Variants in RBFOX1 observed in about 807,000 individuals in gnomAD.
RBFOX1 encodes RNA binding protein fox-1 homolog 1.
A neutral mutation model predicts 57.7 loss-of-function variants in RBFOX1; 8 were observed. The ratio of observed to expected loss-of-function variants is 0.14; its 90% confidence interval spans 0.08 to 0.25. RBFOX1 has a LOEUF of 0.25. RBFOX1 is among the 10% of genes least tolerant of loss of function. The pLI, the probability that RBFOX1 is intolerant of heterozygous loss-of-function variation, is 1.00. For missense variants in RBFOX1, 611 were observed against 548.5 expected (o/e 1.11, Z -1.14); for synonymous variants, 326 against 222.4 (o/e 1.47, Z -4.15).
chr16:6,148,741 C>T (rs536349890), intron 1 of RBFOX1, among the ~76,000 whole-genome samples: 10 of 152,290 alleles, frequency 6.6e-5, no homozygotes, highest in South Asian at 2.1e-4. Flanking sequence ...TGCCATACTT[C>T]GCTTTATCTA....
At chr16:5,902,087 C>G (rs1005440585) in intron 4 of RBFOX1, among the ~76,000 whole-genome samples, 1 of 152,064 alleles carries the variant, frequency 6.6e-6, no homozygotes, top group African/African-American at 2.4e-5. Context: ...AATCATATTC[C>G]CTCTTTTGAA....
At chr16:6,409,330 C>T (rs922120305) in intron 2 of RBFOX1, among the ~76,000 whole-genome samples, 9 of 152,154 alleles carry the variant, frequency 5.9e-5, no homozygotes, top group African/African-American at 2.2e-4. Flanking sequence ...AGGAGAATCG[C>T]TTGAACCTGG....
intron 4 of RBFOX1, among the ~76,000 whole-genome samples, chr16:5,898,603 C>G (rs1033695301): frequency 1.3e-5 from 2 of 151,148 alleles, no homozygotes; most frequent in African/African-American, 2.4e-5. Context: ...ATTGTCAAGT[C>G]TGTTTTGCAG....
At chr16:5,995,041 C>G (rs1431257657) in intron 4 of RBFOX1, among the ~76,000 whole-genome samples, 1 of 152,208 alleles carries the variant, frequency 6.6e-6, no homozygotes, top group African/African-American at 2.4e-5. Flanking sequence ...TTTCCTACAA[C>G]CATGCATTGA....
chr16:5,305,108 G>A (rs2063901309), intron 1 of RBFOX1, among the ~76,000 whole-genome samples: 1 of 152,144 alleles, frequency 6.6e-6, no homozygotes, highest in Non-Finnish European at 1.5e-5. Flanking sequence ...AACGAAGGTG[G>A]TGCGTGTTGA....
chr16:5,692,350 G>A (rs539197619), intron 3 of RBFOX1, among the ~76,000 whole-genome samples: 1 of 152,122 alleles, frequency 6.6e-6, no homozygotes, highest in South Asian at 2.1e-4. Context: ...AGATGAGAGT[G>A]GTCTCTGGCC....
intron 3 of RBFOX1, among the ~76,000 whole-genome samples, chr16:5,805,352 T>C (rs2055191660): frequency 6.6e-6 from 1 of 152,214 alleles, no homozygotes; most frequent in Non-Finnish European, 1.5e-5. Flanking sequence ...ATCCATAAGT[T>C]CAAAATTCTA....
At chr16:5,374,637 A>C (rs2065940995) in intron 1 of RBFOX1, among the ~76,000 whole-genome samples, 1 of 151,526 alleles carries the variant, frequency 6.6e-6, no homozygotes, top group African/African-American at 2.4e-5. Flanking sequence ...CATTAGAGAG[A>C]GAGGGGAGTC....
At chr16:5,799,421 A>G (rs2054987585) in intron 3 of RBFOX1, among the ~76,000 whole-genome samples, 1 of 152,162 alleles carries the variant, frequency 6.6e-6, no homozygotes, top group South Asian at 2.1e-4. Context: ...GTCGAACAAT[A>G]TACAGATGTA....
intron 1 of RBFOX1, among the ~76,000 whole-genome samples, chr16:6,252,594 G>A (rs117554842): frequency 0.011 from 1,653 of 147,812 alleles, 24 homozygotes; most frequent in Middle Eastern, 0.021. Flanking sequence ...ATCTGCTTTC[G>A]TTTCCATGCC....
chr16:5,611,813 C>CCCAG (rs1311312802), intron 3 of RBFOX1, among the ~76,000 whole-genome samples: 6 of 126,890 alleles, frequency 4.7e-5, no homozygotes, highest in Non-Finnish European at 1.0e-4. Flanking sequence ...CACCCACCCA[C>CCCAG]CCACCCATTC....
intron 3 of RBFOX1, among the ~76,000 whole-genome samples, chr16:5,711,038 G>T (rs966630166): frequency 6.6e-6 from 1 of 152,166 alleles, no homozygotes; most frequent in African/African-American, 2.4e-5. Context: ...CATGCCTCTG[G>T]ACTCCCAGGG....
At chr16:5,773,228 A>G (rs2054037529) in intron 3 of RBFOX1, among the ~76,000 whole-genome samples, 2 of 152,172 alleles carry the variant, frequency 1.3e-5, no homozygotes, top group Admixed American at 6.5e-5. Flanking sequence ...GGTTATTGCA[A>G]TTACTAAATG....
intron 4 of RBFOX1, among the ~76,000 whole-genome samples, chr16:5,934,692 A>G (rs1334416724): frequency 6.6e-6 from 1 of 152,214 alleles, no homozygotes; most frequent in African/African-American, 2.4e-5. Context: ...ATTTATGGAA[A>G]TATCAGGATG....
At chr16:5,536,668 C>G (rs1277819695) in intron 2 of RBFOX1, among the ~76,000 whole-genome samples, 1 of 152,042 alleles carries the variant, frequency 6.6e-6, no homozygotes, top group Non-Finnish European at 1.5e-5. Context: ...GGTCCCCACT[C>G]CCATAACATT....
At chr16:6,990,351 C>G (rs959175143) in intron 3 of RBFOX1, among the ~76,000 whole-genome samples, 1 of 151,980 alleles carries the variant, frequency 6.6e-6, no homozygotes, top group African/African-American at 2.4e-5. Context: ...ATGGTGAAAC[C>G]CCATTTCTAC....
chr16:7,505,157 G>C (rs1472864293), intron 4 of RBFOX1, among the ~76,000 whole-genome samples: 1 of 150,198 alleles, frequency 6.7e-6, no homozygotes, highest in Non-Finnish European at 1.5e-5. Context: ...AAAACATTTT[G>C]AATGCTTTTG....
intron 3 of RBFOX1, among the ~76,000 whole-genome samples, chr16:5,655,681 A>C (rs935910694): frequency 6.6e-6 from 1 of 152,118 alleles, no homozygotes; most frequent in Non-Finnish European, 1.5e-5. Context: ...GTGCATTTGT[A>C]CCTCTTTCTC....
intron 2 of RBFOX1, among the ~76,000 whole-genome samples, chr16:6,389,843 T>A (rs2092505058): frequency 6.6e-6 from 1 of 152,192 alleles, no homozygotes; most frequent in Non-Finnish European, 1.5e-5. Context: ...ATTGATGCTG[T>A]CTTCCCAGTA....
Sources: allele counts gnomAD v4.1 joint callset (sites outside exome capture counted in the v4.1 genomes callset), GRCh38; gene constraint gnomAD v4.1.1; transcripts MANE v1.5; gene names NCBI Gene and HGNC (gene_info 2026-07-23, HGNC 2026-07-21).